CDC73: variants seen among roughly 807,000 people sequenced by gnomAD.
The protein encoded by CDC73 is parafibromin.
CDC73 carries 21 observed loss-of-function variants against 83.7 expected under a neutral mutation model. That is an observed-to-expected ratio of 0.25 (90% CI 0.18 to 0.36). The LOEUF (loss-of-function observed/expected upper bound fraction) is 0.36, where lower values mean the gene tolerates loss of function less well. Ranked by LOEUF, CDC73 falls within the 10% of genes least tolerant of loss-of-function variation. The pLI is 1.00. For synonymous variants in CDC73, 224 were observed against 212.9 expected, an observed-to-expected ratio of 1.05 and a Z score of -0.45; for missense variants, 342 against 653.3, an observed-to-expected ratio of 0.52 and a Z score of 5.19.
chr1:193,250,911 T>G lies in CDC73; in HGVS notation c.*199T>G. ...TTTTTTTAATATTAGCCTTCTAGTC[T>G]GTAATGGAAATTGTATATTTTGATA... is the stretch of plus-strand genomic sequence containing the variant. On this transcript the variant is annotated 3_prime_UTR_variant, in exon 17 of 17. Transcript: ENST00000367435. 1 of 565,326 alleles carries G rather than the reference T, an allele frequency of 1.8e-6. No homozygotes were observed. The highest frequency in any genetic ancestry group is 3.2e-6 in the Non-Finnish European group (1 of 314,242). The allele number at this position is 565,326 out of a possible 1,614,324, so 35.0% of individuals were successfully genotyped here. A position where few individuals can be genotyped will look rare whatever the true frequency, so the allele number is the denominator to read the frequency against.
At chr1:193,205,253 A>C (rs1203003101) in intron 11 of CDC73, among the ~76,000 whole-genome samples, 2 of 138,684 alleles carry the variant, frequency 1.4e-5, no homozygotes, top group East Asian at 2.4e-4. Context: ...AGTATGAAGA[A>C]AGAAAATAAA....
intron 2 of CDC73, among the ~76,000 whole-genome samples, chr1:193,127,288 AATG>A (rs1460019233): frequency 5.9e-5 from 4 of 68,150 alleles, no homozygotes; most frequent in Non-Finnish European, 9.5e-5. Flanking sequence ...AAAAAAAAAA[AATG>A]TGTGTGTGTG....
chr1:193,144,863 G>T (rs1675968914), intron 7 of CDC73, among the ~76,000 whole-genome samples: 1 of 150,526 alleles, frequency 6.6e-6, no homozygotes, highest in South Asian at 2.1e-4. Context: ...TTCCTTGAAG[G>T]AAAGCAACTG....
In CDC73 at chr1:193,212,055, T is replaced by A. The variant is rs370349805; in HGVS notation, c.1031-10T>A. On this transcript the variant is annotated splice_polypyrimidine_tract_variant and intron_variant, in intron 11 of 16. Coordinates refer to ENST00000367435, the MANE Select transcript of CDC73 (RefSeq NM_024529.5). Reference sequence around the variant, plus strand: ...TGACACAGAGTTGTGATTTTTTTTCTTTTTCACAGTTTCTCAAGCAAGACC... The same window carrying A: ...TGACACAGAGTTGTGATTTTTTTTCATTTTCACAGTTTCTCAAGCAAGACC... 6.3e-7 allele frequency: 1 copy of A among 1,576,656 alleles called. No homozygotes were observed. The highest frequency in any genetic ancestry group is 1.7e-5 in the Admixed American group (1 of 57,164).
chr1:193,238,616 T>A (rs6428157), intron 15 of CDC73, among the ~76,000 whole-genome samples: 4 of 152,084 alleles, frequency 2.6e-5, no homozygotes, highest in South Asian at 2.1e-4. Context: ...CCCATATAAC[T>A]TTTGACTTAT....
chr1:193,150,960 A>G (rs1676094429), intron 9 of CDC73, among the ~76,000 whole-genome samples: 1 of 152,210 alleles, frequency 6.6e-6, no homozygotes, highest in Admixed American at 6.5e-5. Flanking sequence ...TAGAGATTCT[A>G]TATGTTAAGT....
At chr1:193,209,009 T>C (rs1200959092) in intron 11 of CDC73, among the ~76,000 whole-genome samples, 1 of 152,248 alleles carries the variant, frequency 6.6e-6, no homozygotes, top group African/African-American at 2.4e-5. Flanking sequence ...CCTTAGTATG[T>C]GTTCCAATTA....
At chr1:193,140,957 T>A (rs1675896121) in intron 6 of CDC73, 1 of 152,082 alleles carries the variant, frequency 6.6e-6, no homozygotes, top group Non-Finnish European at 1.5e-5. Flanking sequence ...ATGCATCAAA[T>A]GCCAGATGCA....
intron 14 of CDC73, among the ~76,000 whole-genome samples, chr1:193,235,369 T>C (rs1418413795): frequency 6.6e-6 from 1 of 152,190 alleles, no homozygotes; most frequent in Non-Finnish European, 1.5e-5. Context: ...CATTGGATTG[T>C]TTTGAAGATT....
Position 193,252,869 on chromosome 1 carries a change from T to C in CDC73, c.*2157T>C. 1 of 231,782 alleles carries C rather than the reference T, an allele frequency of 4.3e-6. No homozygotes were observed. Among genetic ancestry groups the C allele is most frequent in the South Asian group, 1.8e-4 (1 of 5,526 alleles). The allele number at this position is 231,782 out of a possible 1,614,324, so 14.4% of individuals were successfully genotyped here. ...TTCAGTAAATACTTACATGCATGAATGAATAATGTATTTTCAGTGTAACAA... is the reference window on the plus strand; with the variant it reads ...TTCAGTAAATACTTACATGCATGAACGAATAATGTATTTTCAGTGTAACAA... On this transcript the variant is annotated 3_prime_UTR_variant, in exon 17 of 17. Coordinates refer to ENST00000367435, the MANE Select transcript of CDC73 (RefSeq NM_024529.5).
chr1:193,221,098 G>A (rs1677462254), intron 13 of CDC73, among the ~76,000 whole-genome samples: 1 of 151,994 alleles, frequency 6.6e-6, no homozygotes, highest in Non-Finnish European at 1.5e-5. Context: ...ATTGTTATTT[G>A]TAGCTACATT....
chr1:193,189,413 G>T (rs1676882074), intron 10 of CDC73, among the ~76,000 whole-genome samples: 1 of 152,194 alleles, frequency 6.6e-6, no homozygotes, highest in African/African-American at 2.4e-5. Flanking sequence ...AGGAGAGCTT[G>T]TAGAAGTTCT....
chr1:193,160,339 A>C (rs1480075730), intron 10 of CDC73, among the ~76,000 whole-genome samples: 1 of 152,132 alleles, frequency 6.6e-6, no homozygotes, highest in Non-Finnish European at 1.5e-5. Flanking sequence ...TAAATTTAAC[A>C]TCACTTTGTT....
intron 5 of CDC73, 122 bp downstream of exon 5, chr1:193,135,711 G>A (rs144798053): frequency 4.1e-6 from 3 of 730,002 alleles, no homozygotes; most frequent in African/African-American, 1.8e-5. Context: ...AATTTTTGTG[G>A]TAGAAAGAAC....
intron 1 of CDC73, 108 bp downstream of exon 1, chr1:193,122,439 C>T: frequency 5.0e-6 from 7 of 1,400,168 alleles, no homozygotes; most frequent in Non-Finnish European, 7.1e-6. Context: ...TGGGATAAAA[C>T]GGGTGTTCGG....
At chr1:193,236,527 A>C (rs1371152540) in intron 15 of CDC73, among the ~76,000 whole-genome samples, 171 bp downstream of exon 15, 1 of 152,220 alleles carries the variant, frequency 6.6e-6, no homozygotes, top group Non-Finnish European at 1.5e-5. Context: ...TTTGTATATT[A>C]ATACTTTCTG....
intron 10 of CDC73, chr1:193,186,506 G>T (rs114526158): frequency 1.4e-3 from 210 of 152,688 alleles, no homozygotes; most frequent in Non-Finnish European, 2.1e-3. Flanking sequence ...TTTCGTTGTT[G>T]CCTGGCAGCT....
Position 193,254,396 on chromosome 1 carries a change from T to G in CDC73, c.*3684T>G, listed in dbSNP as rs1678098174. On this transcript the variant is annotated 3_prime_UTR_variant, in exon 17 of 17. Transcript: ENST00000367435. ...TGAATTTCTACTATTTATTCACTTG[T>G]GTTTGAGATTCACCCAGCTATTCTA... 6.6e-6 allele frequency among the ~76,000 whole-genome samples: 1 copy of G among 152,124 alleles called. No individual in the cohort carries two copies. The highest frequency in any genetic ancestry group is 6.5e-5 in the Admixed American group (1 of 15,272).
At chr1:193,217,711 T>C (rs1677394455) in intron 13 of CDC73, among the ~76,000 whole-genome samples, 1 of 152,118 alleles carries the variant, frequency 6.6e-6, no homozygotes. Flanking sequence ...CATGGCGAGC[T>C]AGGGTGGTCT....
Sources: allele counts gnomAD v4.1 joint callset (sites outside exome capture counted in the v4.1 genomes callset), GRCh38; gene constraint gnomAD v4.1.1; transcripts MANE v1.5; gene names NCBI Gene and HGNC (gene_info 2026-07-23, HGNC 2026-07-21).